Variants in FNDC3B observed in about 807,000 individuals in gnomAD.
FNDC3B encodes the protein fibronectin type III domain containing 3B.
FNDC3B carries 12 observed loss-of-function variants against 151.5 expected under a neutral mutation model. The ratio of observed to expected loss-of-function variants is 0.08; its 90% CI spans 0.05 to 0.13. The LOEUF (loss-of-function observed/expected upper bound fraction) is 0.13, where lower values mean the gene tolerates loss of function less well. FNDC3B is among the 10% of genes least tolerant of loss of function. The probability of loss-of-function intolerance (pLI) is 1.00; values close to 1 mark genes in which losing one functional copy is unlikely to be tolerated. For missense variants in FNDC3B, 1,214 were observed against 1,505.3 expected (o/e 0.81, Z 3.20); for synonymous variants, 528 against 549.0 (o/e 0.96, Z 0.54).
At chr3:172,260,048 T>C (rs1015871488) in intron 6 of FNDC3B, among the ~76,000 whole-genome samples, 18 of 152,248 alleles carry the variant, frequency 1.2e-4, no homozygotes, top group Non-Finnish European at 1.3e-4. Context: ...CCATGTTATT[T>C]TCTCTGCCTT....
chr3:172,174,602 G>A (rs1451677038), intron 3 of FNDC3B, among the ~76,000 whole-genome samples: 1 of 152,194 alleles, frequency 6.6e-6, no homozygotes, highest in East Asian at 1.9e-4. Flanking sequence ...TTTAGAAAGA[G>A]CATCTGGATT....
chr3:172,076,522 C>T (rs1718019281), intron 1 of FNDC3B, among the ~76,000 whole-genome samples: 2 of 152,218 alleles, frequency 1.3e-5, no homozygotes, highest in African/African-American at 4.8e-5. Context: ...TGAGTTCCTC[C>T]TGCCTTTCCA....
At chr3:172,344,410 A>G in intron 19 of FNDC3B, 152 bp downstream of exon 19, 1 of 611,136 alleles carries the variant, frequency 1.6e-6, no homozygotes, top group Non-Finnish European at 2.7e-6. Context: ...CTTAATTCTG[A>G]GTTGATATTG....
At chr3:172,386,395 G>A (rs1011405493) in intron 25 of FNDC3B, among the ~76,000 whole-genome samples, 3 of 152,190 alleles carry the variant, frequency 2.0e-5, no homozygotes, top group African/African-American at 7.2e-5. Flanking sequence ...CCTATTGGCA[G>A]TCAAAATTTA....
chr3:172,104,612 G>A (rs1719548592), intron 1 of FNDC3B, among the ~76,000 whole-genome samples: 2 of 152,284 alleles, frequency 1.3e-5, no homozygotes, highest in South Asian at 4.1e-4. Flanking sequence ...CAATGGCAGT[G>A]TCCCACATCA....
At chr3:172,306,034 T>A (rs574364886) in intron 9 of FNDC3B, among the ~76,000 whole-genome samples, 1 of 152,338 alleles carries the variant, frequency 6.6e-6, no homozygotes, top group East Asian at 1.9e-4. Context: ...AAATATGTAA[T>A]ATGTATGTAT....
chr3:172,304,244 A>G (rs571757526), intron 9 of FNDC3B, among the ~76,000 whole-genome samples: 1 of 152,208 alleles, frequency 6.6e-6, no homozygotes, highest in Non-Finnish European at 1.5e-5. Flanking sequence ...CTTTCCCCAG[A>G]CAACTGACTG....
chr3:172,345,178 C>G (rs1374302838), intron 19 of FNDC3B, among the ~76,000 whole-genome samples: 1 of 152,198 alleles, frequency 6.6e-6, no homozygotes, highest in Non-Finnish European at 1.5e-5. Context: ...TGGATTTCTC[C>G]TAATTCTCCA....
intron 1 of FNDC3B, among the ~76,000 whole-genome samples, chr3:172,078,080 A>G (rs1206501572): frequency 6.6e-6 from 1 of 152,066 alleles, no homozygotes; most frequent in East Asian, 1.9e-4. Context: ...TCCTGGGATC[A>G]AGCGATTCTC....
rs3832239 is a variant in FNDC3B, at chr3:172,039,624, A to AGCGGCG, written c.-164_-159dup. ...ATCAAACCCTCCTGGTAGTTATTTG[A>AGCGGCG]GCGGCGGCGGCGGCGGCTGGAGGAG... is the stretch of plus-strand genomic sequence containing the variant. On this transcript the variant is annotated 5_prime_UTR_variant, in exon 1 of 26. Transcript: ENST00000415807. 6 of 162,954 alleles carry AGCGGCG rather than the reference A, an allele frequency of 3.7e-5. No individual in the cohort carries two copies. The highest frequency in any genetic ancestry group is 3.8e-4 in the East Asian group (2 of 5,280). The allele number at this position is 162,954 out of a possible 1,614,324, so 10.1% of individuals were successfully genotyped here.
At chr3:172,066,928 C>T (rs892826216) in intron 1 of FNDC3B, among the ~76,000 whole-genome samples, 1 of 152,156 alleles carries the variant, frequency 6.6e-6, no homozygotes, top group African/African-American at 2.4e-5. Flanking sequence ...TGCTGTTGTT[C>T]AGTAGCAGAC....
In FNDC3B at chr3:172,315,407, A is replaced by G. The variant is rs1016218709; in HGVS notation, c.1254+4526A>G. Reference sequence around the variant, plus strand: ...GAAAAAAAAGGAATTTACAGGTGTCATTGGCTTTTCAGCTGTGGCCTTCAG... The same window carrying G: ...GAAAAAAAAGGAATTTACAGGTGTCGTTGGCTTTTCAGCTGTGGCCTTCAG... On this transcript the variant is annotated intron_variant, in intron 11 of 25. Transcript: ENST00000415807. 3.9e-5 allele frequency among the ~76,000 whole-genome samples: 6 copies of G among 152,292 alleles called. No individual in the cohort carries two copies. The East Asian group carries it at 1.2e-3, about 29-fold the overall frequency.
At chr3:172,200,530 T>A (rs1725091983) in intron 3 of FNDC3B, among the ~76,000 whole-genome samples, 1 of 152,214 alleles carries the variant, frequency 6.6e-6, no homozygotes, top group Admixed American at 6.5e-5. Context: ...ATTACATGAG[T>A]TATTCAATAC....
intron 3 of FNDC3B, among the ~76,000 whole-genome samples, chr3:172,156,248 C>T (rs2108610091): frequency 6.6e-6 from 1 of 152,334 alleles, no homozygotes; most frequent in Admixed American, 6.5e-5. Flanking sequence ...TCATCAATTG[C>T]ATAAACAAAT....
At chr3:172,373,195 C>T (rs1734967130) in intron 23 of FNDC3B, among the ~76,000 whole-genome samples, 1 of 152,206 alleles carries the variant, frequency 6.6e-6, no homozygotes, top group Non-Finnish European at 1.5e-5. Flanking sequence ...GAGTTTTTCA[C>T]CATTTCCTGC....
intron 3 of FNDC3B, among the ~76,000 whole-genome samples, chr3:172,137,034 G>A (rs781408283): frequency 6.6e-6 from 1 of 152,156 alleles, no homozygotes; most frequent in African/African-American, 2.4e-5. Context: ...GAAGGTGATG[G>A]GTGGTGGTGG....
chr3:172,350,374 T>G (rs1229467073), intron 21 of FNDC3B, among the ~76,000 whole-genome samples: 3 of 152,242 alleles, frequency 2.0e-5, no homozygotes, highest in Non-Finnish European at 1.5e-5. Flanking sequence ...AAAGCCATGT[T>G]CTTGTCCTTC....
At chr3:172,391,822 G>A (rs1381603450) in intron 25 of FNDC3B, among the ~76,000 whole-genome samples, 2 of 152,156 alleles carry the variant, frequency 1.3e-5, no homozygotes, top group African/African-American at 4.8e-5. Context: ...AGTCCCAGAA[G>A]TTGCAAATCA....
At chr3:172,336,887 A>G (rs930164730) in intron 15 of FNDC3B, among the ~76,000 whole-genome samples, 1 of 150,818 alleles carries the variant, frequency 6.6e-6, no homozygotes, top group Non-Finnish European at 1.5e-5. Context: ...TAGGCAACAG[A>G]GCGAAACTCC....
Sources: allele counts gnomAD v4.1 joint callset (sites outside exome capture counted in the v4.1 genomes callset), GRCh38; gene constraint gnomAD v4.1.1; transcripts MANE v1.5; gene names NCBI Gene and HGNC (gene_info 2026-07-23, HGNC 2026-07-21).